The following TPTE2 variants were observed in gnomAD, a reference collection of about 807,000 sequenced individuals.
TPTE2 encodes transmembrane phosphoinositide 3-phosphatase and tensin homolog 2, also known as phosphatidylinositol 3,4,5-trisphosphate 3-phosphatase TPTE2.
A neutral mutation model predicts 78.6 loss-of-function variants in TPTE2; 53 were observed. The observed-to-expected ratio is 0.67, with a 90% CI of 0.54 to 0.85. The LOEUF (loss-of-function observed/expected upper bound fraction) is 0.85. TPTE2 is among the 40% of genes least tolerant of loss of function. The pLI, the probability that TPTE2 is intolerant of heterozygous loss-of-function variation, is 0.00. For missense variants in TPTE2, 461 were observed against 623.0 expected (o/e 0.74, Z 2.77); for synonymous variants, 175 against 206.2 (o/e 0.85, Z 1.30).
At chr13:19,443,318 G>T (rs1593357062) in intron 13 of TPTE2, among the ~76,000 whole-genome samples, 1 of 143,978 alleles carries the variant, frequency 6.9e-6, no homozygotes, top group African/African-American at 2.6e-5. Context: ...AAATCTTTAA[G>T]AATTCAACAT....
intron 17 of TPTE2, among the ~76,000 whole-genome samples, chr13:19,429,404 G>C (rs1315927443): frequency 6.6e-6 from 1 of 152,212 alleles, no homozygotes; most frequent in Non-Finnish European, 1.5e-5. Flanking sequence ...AAAGCCCAAG[G>C]CGTGAGTGGA....
At chr13:19,555,058 A>G in the TPTE2 span, among the ~76,000 whole-genome samples, 1 of 152,228 alleles carries the variant, frequency 6.6e-6, no homozygotes, top group East Asian at 1.9e-4. Flanking sequence ...TTAAATATGT[A>G]CTATGTTCCA....
At chr13:19,518,748 G>C (rs1869958965) in intron 1 of TPTE2, among the ~76,000 whole-genome samples, 2 of 152,290 alleles carry the variant, frequency 1.3e-5, no homozygotes, top group South Asian at 4.1e-4. Context: ...GAACTTGGAA[G>C]TCATCACTCC....
intron 3 of TPTE2, among the ~76,000 whole-genome samples, chr13:19,488,047 G>A (rs1164478918): frequency 1.3e-5 from 2 of 152,124 alleles, no homozygotes; most frequent in South Asian, 2.1e-4. Context: ...GGGCAGAAGG[G>A]GCTGCACAGG....
upstream of TPTE2, among the ~76,000 whole-genome samples, chr13:19,541,415 T>C (rs149732586): frequency 3.1e-3 from 468 of 152,358 alleles, 1 homozygote; most frequent in African/African-American, 0.011. Flanking sequence ...GGGGTTACTA[T>C]AGAGTGGATT....
Position 19,425,549 on chromosome 13 carries a change from G to A in TPTE2, c.1396-532C>T, listed in dbSNP as rs376343565. ...TGACCACTTCACTATGGGACAGCTAGATATAACCTACTTGACTCATCCCAC... is the reference window on the plus strand; with the variant it reads ...TGACCACTTCACTATGGGACAGCTAAATATAACCTACTTGACTCATCCCAC... On this transcript the variant is annotated intron_variant, in intron 18 of 19. Transcript: ENST00000400230. Among the ~76,000 whole-genome samples, 323 of 152,126 alleles carry A rather than the reference G, an allele frequency of 2.1e-3. 1 individual carries two copies. Among genetic ancestry groups the A allele is most frequent in the African/African-American group, 6.2e-3 (257 of 41,508 alleles).
chr13:19,500,344 C>CA (rs1348479391), intron 1 of TPTE2, among the ~76,000 whole-genome samples: 2 of 150,966 alleles, frequency 1.3e-5, no homozygotes, highest in African/African-American at 2.4e-5. Flanking sequence ...AGAGACACAA[C>CA]AAAAAAAGAG....
chr13:19,506,160 CTTTTTTTTT>C (rs71092369), upstream of TPTE2, among the ~76,000 whole-genome samples: 9 of 32,850 alleles, frequency 2.7e-4, no homozygotes, highest in East Asian at 1.1e-3. Flanking sequence ...GTATATAAAT[CTTTTTTTTT>C]TTTTTTTTTT....
At chr13:19,431,405 C>G (rs901556001) in intron 16 of TPTE2, among the ~76,000 whole-genome samples, 1 of 152,128 alleles carries the variant, frequency 6.6e-6, no homozygotes, top group Admixed American at 6.5e-5. Context: ...GACCCACTTC[C>G]CTTAGCGTTT....
At chr13:19,452,332 A>G (rs2492396) in intron 10 of TPTE2, among the ~76,000 whole-genome samples, 142,198 of 152,142 alleles carry the variant, frequency 0.93, 66,732 homozygotes, top group East Asian at 1. Flanking sequence ...TCAATGGAAG[A>G]TCAATAGGCT....
At chr13:19,496,852 G>A (rs999315848) in intron 1 of TPTE2, among the ~76,000 whole-genome samples, 9 of 152,138 alleles carry the variant, frequency 5.9e-5, no homozygotes, top group South Asian at 2.1e-4. Flanking sequence ...TGAGCGACGC[G>A]GAAGACAGTG....
chr13:19,485,544 G>C (rs1193679842), intron 3 of TPTE2, among the ~76,000 whole-genome samples: 1 of 152,028 alleles, frequency 6.6e-6, no homozygotes, highest in Non-Finnish European at 1.5e-5. Context: ...GGGGTTCTTT[G>C]ATCTTCCTGG....
intron 17 of TPTE2, among the ~76,000 whole-genome samples, chr13:19,429,845 T>C (rs1424454802): frequency 6.6e-6 from 1 of 152,120 alleles, no homozygotes; most frequent in Non-Finnish European, 1.5e-5. Flanking sequence ...ATTTCTTCAT[T>C]GTAGCAAAAC....
chr13:19,541,125 G>A (rs1455392565), upstream of TPTE2, among the ~76,000 whole-genome samples: 1 of 152,120 alleles, frequency 6.6e-6, no homozygotes. Flanking sequence ...GCCTTGTTCT[G>A]GCTGTCAGCT....
At chr13:19,454,256 A>G (rs1878393674) in intron 10 of TPTE2, among the ~76,000 whole-genome samples, 1 of 152,230 alleles carries the variant, frequency 6.6e-6, no homozygotes, top group Admixed American at 6.5e-5. Context: ...CTGCAACTTG[A>G]TTCCCTTTTA....
chr13:19,547,418 T>A, the TPTE2 span, among the ~76,000 whole-genome samples: 1 of 152,212 alleles, frequency 6.6e-6, no homozygotes, highest in African/African-American at 2.4e-5. Context: ...ATAGGATTTT[T>A]ACATAATCGG....
At chr13:19,520,953 C>T (rs1870109538) in intron 1 of TPTE2, among the ~76,000 whole-genome samples, 1 of 151,950 alleles carries the variant, frequency 6.6e-6, no homozygotes, top group Non-Finnish European at 1.5e-5. Flanking sequence ...TAGTTGAGAA[C>T]ATGCTTTGTA....
intron 1 of TPTE2, among the ~76,000 whole-genome samples, chr13:19,500,345 A>C (rs1339757147): frequency 2.0e-5 from 3 of 151,488 alleles, no homozygotes; most frequent in South Asian, 2.1e-4. Flanking sequence ...GAGACACAAC[A>C]AAAAAAGAGA....
the TPTE2 span, among the ~76,000 whole-genome samples, chr13:19,546,083 C>A: frequency 6.6e-6 from 1 of 152,038 alleles, no homozygotes; most frequent in Non-Finnish European, 1.5e-5. Flanking sequence ...AGTCTTAGTA[C>A]CTGGGAGGCT....
Sources: allele counts gnomAD v4.1 joint callset (sites outside exome capture counted in the v4.1 genomes callset), GRCh38; gene constraint gnomAD v4.1.1; transcripts MANE v1.5; gene names NCBI Gene and HGNC (gene_info 2026-07-23, HGNC 2026-07-21).